Variants in TENM1 observed in about 807,000 individuals in gnomAD.
TENM1 encodes teneurin-1.
TENM1 carries 35 observed loss-of-function variants against 174.8 expected under a neutral mutation model. The observed-to-expected ratio is 0.20, with a 90% CI of 0.15 to 0.27. The LOEUF (loss-of-function observed/expected upper bound fraction) is 0.27, where lower values mean the gene tolerates loss of function less well. TENM1 is among the 10% of genes least tolerant of loss of function. The probability of loss-of-function intolerance (pLI) is 1.00; values close to 1 mark genes in which losing one functional copy is unlikely to be tolerated. For synonymous variants in TENM1, 781 were observed against 798.7 expected (o/e 0.98, Z 0.37); for missense variants, 1,633 against 2,130.1 (o/e 0.77, Z 4.59).
upstream of TENM1, among the ~76,000 whole-genome samples, chrX:124,966,278 C>G (rs1185081369): frequency 8.9e-6 from 1 of 111,815 alleles, no homozygotes. Flanking sequence ...GAAGCATGTA[C>G]CCTACTCTAC....
chrX:124,435,870 A>T (rs1364042305), intron 23 of TENM1, among the ~76,000 whole-genome samples: 2 of 111,822 alleles, frequency 1.8e-5, no homozygotes, highest in Non-Finnish European at 3.8e-5. Flanking sequence ...TGTGTACAGA[A>T]TCATTTAAGG....
the TENM1 span, among the ~76,000 whole-genome samples, chrX:125,109,234 T>A: frequency 1.8e-5 from 2 of 112,044 alleles, no homozygotes; most frequent in African/African-American, 3.2e-5. Context: ...CCTGGAAGAA[T>A]CATATCATAT....
intron 4 of TENM1, among the ~76,000 whole-genome samples, chrX:124,707,780 T>C (rs972762553): frequency 8.9e-6 from 1 of 112,136 alleles, no homozygotes; most frequent in Non-Finnish European, 1.9e-5. Context: ...TTGAGTACAC[T>C]TATACTCCCT....
At chrX:125,061,671 C>T in the TENM1 span, among the ~76,000 whole-genome samples, 2 of 112,090 alleles carry the variant, frequency 1.8e-5, no homozygotes, top group Non-Finnish European at 3.8e-5. Flanking sequence ...AATCCCAGCA[C>T]TCTGGGAGGT....
intron 3 of TENM1, among the ~76,000 whole-genome samples, chrX:124,815,624 C>T (rs186147483): frequency 1.2e-3 from 135 of 111,105 alleles, no homozygotes; most frequent in African/African-American, 4.2e-3. Flanking sequence ...AGTATGTATA[C>T]AGCATTTCAT....
intron 14 of TENM1, among the ~76,000 whole-genome samples, chrX:124,559,276 G>A (rs1270081798): frequency 9.0e-6 from 1 of 111,216 alleles, no homozygotes. Context: ...AGACTACCTA[G>A]GTTTATATCC....
At chrX:124,405,743 T>C (rs1377826701) in intron 26 of TENM1, among the ~76,000 whole-genome samples, 1 of 110,798 alleles carries the variant, frequency 9.0e-6, no homozygotes, top group Non-Finnish European at 1.9e-5. Flanking sequence ...AACAACAGAA[T>C]GAGGTCTTAA....
chrX:124,635,511 G>A (rs1211758171), intron 11 of TENM1, among the ~76,000 whole-genome samples: 2 of 112,341 alleles, frequency 1.8e-5, no homozygotes, highest in African/African-American at 3.2e-5. Flanking sequence ...CCACTTCTAA[G>A]ATACAGCATA....
chrX:124,733,391 CT>C (rs2148544019), intron 4 of TENM1, among the ~76,000 whole-genome samples: 1 of 112,415 alleles, frequency 8.9e-6, no homozygotes, highest in East Asian at 2.8e-4. Flanking sequence ...CAAGTGGCCA[CT>C]TAGTAGGGAT....
chrX:124,529,292 C>CT (rs1602605706), intron 16 of TENM1, among the ~76,000 whole-genome samples: 1 of 111,945 alleles, frequency 8.9e-6, no homozygotes, highest in Non-Finnish European at 1.9e-5. Flanking sequence ...GGTTTTACTT[C>CT]AAGGTCTTGC....
At chrX:124,889,414 A>G (rs2057440085) in intron 3 of TENM1, among the ~76,000 whole-genome samples, 1 of 111,517 alleles carries the variant, frequency 9.0e-6, no homozygotes, top group African/African-American at 3.3e-5. Flanking sequence ...TTTATGGGGT[A>G]TGGGGTTTTT....
chrX:125,039,825 C>CTTTTTTTTTTTTTTTTTT, the TENM1 span, among the ~76,000 whole-genome samples: 1 of 111,345 alleles, frequency 9.0e-6, no homozygotes, highest in African/African-American at 3.3e-5. Flanking sequence ...TGAGCCTTTT[C>CTTTTTTTTTTTTTTTTTT]TTATTAACCT....
chrX:124,389,305 G>C (rs937454871), intron 28 of TENM1, among the ~76,000 whole-genome samples: 2 of 112,264 alleles, frequency 1.8e-5, no homozygotes, highest in Admixed American at 1.9e-4. Flanking sequence ...TATGGCAAGC[G>C]AATTCACAAG....
chrX:124,990,342 A>T, the TENM1 span, among the ~76,000 whole-genome samples: 1 of 112,833 alleles, frequency 8.9e-6, no homozygotes, highest in East Asian at 2.8e-4. Flanking sequence ...TTCAAATCCT[A>T]GATAATTAAT....
intron 1 of TENM1, among the ~76,000 whole-genome samples, chrX:124,939,812 G>A (rs916364179): frequency 7.1e-5 from 8 of 111,966 alleles, no homozygotes; most frequent in Admixed American, 6.7e-4. Flanking sequence ...TTATTCTTGT[G>A]ATCCAGGTGT....
At chrX:124,848,571 A>T (rs758976689) in intron 3 of TENM1, among the ~76,000 whole-genome samples, 1 of 111,628 alleles carries the variant, frequency 9.0e-6, no homozygotes, top group East Asian at 2.8e-4. Flanking sequence ...GTCAAAAATT[A>T]AATGTGTATA....
chrX:125,178,031 T>C, the TENM1 span, among the ~76,000 whole-genome samples: 2 of 111,768 alleles, frequency 1.8e-5, no homozygotes, highest in Non-Finnish European at 1.9e-5. Context: ...AGGTTCTTTA[T>C]GAGCCTTGCA....
At chrX:124,453,075 C>A (rs1193296396) in intron 23 of TENM1, among the ~76,000 whole-genome samples, 1 of 111,633 alleles carries the variant, frequency 9.0e-6, no homozygotes, top group Non-Finnish European at 1.9e-5. Flanking sequence ...GCCTTACCCT[C>A]TGATTAATTC....
In TENM1 at chrX:124,698,102, C is replaced by T. The variant is rs184039417; in HGVS notation, c.1015+6911G>A. The stretch of plus-strand genomic sequence containing the variant: ...TTTCTAGTTGTTTCTTCATAGTCTG[C>T]TTAGCAGATTCCTTTTCCCTGGGCT... On this transcript the variant is annotated intron_variant, in intron 5 of 31. Coordinates refer to ENST00000422452, the Ensembl canonical transcript of TENM1. Among the ~76,000 whole-genome samples, 9 of 111,509 alleles carry T rather than the reference C, an allele frequency of 8.1e-5. No homozygotes were observed. The East Asian group carries it at 2.2e-3, about 28-fold the overall frequency.
Sources: gnomAD v4.1 joint callset for allele counts (sites outside exome capture counted in the v4.1 genomes callset) on GRCh38, gnomAD v4.1.1 for gene constraint, MANE v1.5 for transcripts, NCBI Gene and HGNC (gene_info 2026-07-23, HGNC 2026-07-21) for gene names.